ZFHX3: variants seen among roughly 807,000 people sequenced by gnomAD.
ZFHX3 encodes zinc finger homeobox 3.
ZFHX3 carries 42 observed loss-of-function variants against 279.1 expected under a neutral mutation model. That is an observed-to-expected ratio of 0.15 (90% confidence interval 0.12 to 0.19). The LOEUF (loss-of-function observed/expected upper bound fraction) is 0.19, where lower values mean the gene tolerates loss of function less well. Ranked by LOEUF, ZFHX3 falls within the 10% of genes least tolerant of loss-of-function variation. The pLI is 1.00. For missense variants in ZFHX3, 4,981 were observed against 4,754.0 expected (o/e 1.05, Z -1.40); for synonymous variants, 2,293 against 1,957.8 (o/e 1.17, Z -4.52).
At chr16:73,818,615 A>G (rs1960647569) in intron 1 of ZFHX3, among the ~76,000 whole-genome samples, 1 of 152,216 alleles carries the variant, frequency 6.6e-6, no homozygotes, top group Non-Finnish European at 1.5e-5. Context: ...ATTCAACCAC[A>G]GGTTCTAAAG....
chr16:73,651,680 CAAAAAAAAAAAAAAA>C (rs57386925), intron 2 of ZFHX3, among the ~76,000 whole-genome samples: 7 of 41,668 alleles, frequency 1.7e-4, no homozygotes, highest in East Asian at 2.9e-3. Flanking sequence ...ACTAAAAATA[CAAAAAAAAAAAAAAA>C]AAAAAAAAAA....
intron 5 of ZFHX3, among the ~76,000 whole-genome samples, chr16:73,236,328 T>C (rs2012946872): frequency 6.6e-6 from 1 of 152,214 alleles, no homozygotes. Flanking sequence ...CTGGGCGCAG[T>C]GGCTCACGCC....
intron 1 of ZFHX3, among the ~76,000 whole-genome samples, chr16:73,008,642 T>C (rs930271162): frequency 6.6e-6 from 1 of 152,198 alleles, no homozygotes; most frequent in Non-Finnish European, 1.5e-5. Flanking sequence ...AAATTTTATC[T>C]TGGGCATATG....
At chr16:73,817,424 A>G (rs997449552) in intron 1 of ZFHX3, among the ~76,000 whole-genome samples, 1 of 152,190 alleles carries the variant, frequency 6.6e-6, no homozygotes, top group Admixed American at 6.5e-5. Context: ...AACCTTTTCA[A>G]AGACTTCAAG....
chr16:72,850,014 C>T (rs554261656), intron 4 of ZFHX3, among the ~76,000 whole-genome samples: 3 of 151,752 alleles, frequency 2.0e-5, no homozygotes, highest in Admixed American at 1.3e-4. Flanking sequence ...TGGGAACGGT[C>T]GGGGGACTGT....
chr16:73,595,977 TTTTTATTTTA>T (rs61219527), intron 2 of ZFHX3, among the ~76,000 whole-genome samples: 71,093 of 135,012 alleles, frequency 0.53, 20,811 homozygotes, highest in Middle Eastern at 0.72. Context: ...GACCATTACT[TTTTTATTTTA>T]TTTTATTTTA....
chr16:73,609,980 G>C (rs2052228649), intron 2 of ZFHX3: 2 of 152,162 alleles, frequency 1.3e-5, no homozygotes, highest in Admixed American at 6.5e-5. Context: ...GGTGGGGACA[G>C]TCAGGCAATA....
chr16:73,640,323 T>C (rs1030959390), intron 2 of ZFHX3, among the ~76,000 whole-genome samples: 1 of 152,100 alleles, frequency 6.6e-6, no homozygotes, highest in Non-Finnish European at 1.5e-5. Context: ...TAGACAAACA[T>C]ACCCAATCAA....
chr16:73,606,880 A>T (rs1301088972), intron 2 of ZFHX3, among the ~76,000 whole-genome samples: 2 of 152,054 alleles, frequency 1.3e-5, no homozygotes, highest in Admixed American at 6.6e-5. Context: ...ACGGCTTCCA[A>T]TTCTATCCAT....
At chr16:73,689,810 G>T (rs71388982) in intron 1 of ZFHX3, among the ~76,000 whole-genome samples, 18,363 of 148,954 alleles carry the variant, frequency 0.12, 1,215 homozygotes, top group Non-Finnish European at 0.14. Context: ...ACAGTTTTTT[G>T]TTTTTTGTTT....
chr16:73,749,640 A>C (rs964442316), intron 1 of ZFHX3, among the ~76,000 whole-genome samples: 1 of 152,214 alleles, frequency 6.6e-6, no homozygotes, highest in African/African-American at 2.4e-5. Context: ...TCCTAACACT[A>C]TACTACGTAT....
At chr16:73,763,694 G>A (rs328369) in intron 1 of ZFHX3, among the ~76,000 whole-genome samples, 50 of 152,086 alleles carry the variant, frequency 3.3e-4, no homozygotes, top group African/African-American at 1.1e-3. Context: ...TATAGCAATG[G>A]TGACAAGATT....
chr16:72,796,657 A>G lies in ZFHX3; in HGVS notation c.6025T>C (p.Tyr2009His), dbSNP rs2035919810. ...CTCTCGAGCTGTTTGAAAGGAAAGT[A>G]ATTCTGATGAACGTGCTCTTGATGA... ...KSHQEHVHQN[Y>H]FPFKQLERFA... Residue 2009 changes from tyrosine (Y) to histidine (H), a missense_variant, in exon 9 of 10, where the codon TAC (tyrosine) becomes CAC (histidine). Around this residue, in one of 7 missense-constraint regions of ZFHX3, gnomAD observed 1,751 missense variants for 1,770.0 expected, o/e 0.99. Coordinates refer to ENST00000268489, the MANE Select transcript of ZFHX3 (RefSeq NM_006885.4). 2.4e-5 allele frequency: 38 copies of G among 1,614,070 alleles called. No individual in the cohort carries two copies. Among genetic ancestry groups the G allele is most frequent in the Non-Finnish European group, 3.2e-5 (38 of 1,180,028 alleles).
intron 1 of ZFHX3, among the ~76,000 whole-genome samples, chr16:73,001,966 C>T (rs757974605): frequency 3.9e-5 from 6 of 152,136 alleles, no homozygotes; most frequent in Non-Finnish European, 7.3e-5. Flanking sequence ...GGTCCATAGA[C>T]CAGAAAAGCA....
intron 4 of ZFHX3, among the ~76,000 whole-genome samples, chr16:73,289,242 A>G (rs1399865757): frequency 6.6e-6 from 1 of 151,822 alleles, no homozygotes; most frequent in East Asian, 2.0e-4. Flanking sequence ...TCCAAAGGGG[A>G]AATCGAGCGT....
intron 5 of ZFHX3, among the ~76,000 whole-genome samples, chr16:73,244,158 G>C (rs2013211235): frequency 6.6e-6 from 1 of 152,182 alleles, no homozygotes; most frequent in South Asian, 2.1e-4. Context: ...GATGGGAAGT[G>C]GCAGCACTGG....
chr16:73,179,816 G>A (rs1390891285), intron 5 of ZFHX3, among the ~76,000 whole-genome samples: 1 of 152,138 alleles, frequency 6.6e-6, no homozygotes, highest in Non-Finnish European at 1.5e-5. Context: ...CTCGAGATGG[G>A]GTTGCGCCGT....
intron 1 of ZFHX3, among the ~76,000 whole-genome samples, chr16:73,846,098 T>A (rs1328018091): frequency 6.6e-6 from 1 of 152,194 alleles, no homozygotes; most frequent in Non-Finnish European, 1.5e-5. Flanking sequence ...GTGCCTGGCC[T>A]GCAAAAGCTC....
intron 1 of ZFHX3, among the ~76,000 whole-genome samples, chr16:73,811,498 G>T (rs1266568467): frequency 2.4e-4 from 35 of 148,492 alleles, no homozygotes; most frequent in Non-Finnish European, 8.9e-5. Context: ...GGCGGGAGTG[G>T]CAGTGGCGTG....
Sources: gnomAD v4.1 joint callset for allele counts (sites outside exome capture counted in the v4.1 genomes callset) on GRCh38, gnomAD v4.1.1 for gene constraint, gnomAD v4.1.1 regional missense constraint, MANE v1.5 for transcripts, NCBI Gene and HGNC (gene_info 2026-07-23, HGNC 2026-07-21) for gene names.